SORCS1: variants seen among roughly 807,000 people sequenced by gnomAD.
The protein encoded by SORCS1 is VPS10 domain-containing receptor SorCS1.
Under a neutral mutation model 146.1 loss-of-function variants are expected in SORCS1, and 60 were observed. The observed-to-expected ratio is 0.41, with a 90% confidence interval of 0.33 to 0.51. The LOEUF (loss-of-function observed/expected upper bound fraction) is 0.51. SORCS1 is among the 20% of genes least tolerant of loss of function. The probability of loss-of-function intolerance (pLI) is 0.21; values close to 1 mark genes in which losing one functional copy is unlikely to be tolerated. For missense variants in SORCS1, 1,352 were observed against 1,487.6 expected, an observed-to-expected ratio of 0.91 and a Z score of 1.50; for synonymous variants, 637 against 584.0, an observed-to-expected ratio of 1.09 and a Z score of -1.31.
chr10:106,606,629 C>A (rs1163983523), intron 23 of SORCS1, among the ~76,000 whole-genome samples: 1 of 152,142 alleles, frequency 6.6e-6, no homozygotes. Flanking sequence ...GAGTATTCCA[C>A]ACTGTAAATA....
At chr10:106,954,992 G>T (rs1954865322) in intron 2 of SORCS1, among the ~76,000 whole-genome samples, 2 of 152,256 alleles carry the variant, frequency 1.3e-5, no homozygotes. Context: ...GTTGGCGCCA[G>T]GCAGCTGCCC....
intron 2 of SORCS1, among the ~76,000 whole-genome samples, chr10:106,878,048 C>A (rs1373287599): frequency 6.6e-6 from 1 of 152,178 alleles, no homozygotes; most frequent in Non-Finnish European, 1.5e-5. Context: ...TCTACTCCTA[C>A]TCCTAGTCTA....
chr10:107,125,072 C>T (rs1455994362), intron 1 of SORCS1, among the ~76,000 whole-genome samples: 8 of 151,522 alleles, frequency 5.3e-5, no homozygotes. Flanking sequence ...CCTGCCTCCG[C>T]CTCCCAAGCA....
At chr10:106,818,181 A>T (rs1437225211) in intron 3 of SORCS1, among the ~76,000 whole-genome samples, 1 of 152,194 alleles carries the variant, frequency 6.6e-6, no homozygotes, top group East Asian at 1.9e-4. Flanking sequence ...CTGACTGGCC[A>T]GTAGTACTTA....
chr10:106,852,561 G>T (rs1348718544), intron 2 of SORCS1, among the ~76,000 whole-genome samples: 1 of 149,140 alleles, frequency 6.7e-6, no homozygotes, highest in African/African-American at 2.5e-5. Flanking sequence ...CTGGGAGGTG[G>T]AGTTTGTAGT....
At chr10:107,127,401 C>G (rs1293231160) in intron 1 of SORCS1, among the ~76,000 whole-genome samples, 1 of 152,124 alleles carries the variant, frequency 6.6e-6, no homozygotes, top group Non-Finnish European at 1.5e-5. Context: ...ACTTTGATTT[C>G]CTTAGAATAC....
chr10:106,604,311 G>A (rs1589451087), intron 23 of SORCS1, among the ~76,000 whole-genome samples: 1 of 152,180 alleles, frequency 6.6e-6, no homozygotes, highest in Admixed American at 6.5e-5. Flanking sequence ...GATTAAGTCA[G>A]AGCAGAGAAT....
intron 1 of SORCS1, among the ~76,000 whole-genome samples, chr10:107,001,522 G>A (rs1957222426): frequency 6.6e-6 from 1 of 152,220 alleles, no homozygotes; most frequent in Non-Finnish European, 1.5e-5. Context: ...CATTGTAAGA[G>A]ATAGAAATAA....
At chr10:106,883,122 C>T (rs981293823) in intron 2 of SORCS1, among the ~76,000 whole-genome samples, 3 of 152,146 alleles carry the variant, frequency 2.0e-5, no homozygotes, top group Non-Finnish European at 4.4e-5. Context: ...TGTAGAAAGC[C>T]ACTGGCATTT....
intron 1 of SORCS1, among the ~76,000 whole-genome samples, chr10:106,968,001 G>A (rs980561757): frequency 1.3e-4 from 20 of 150,626 alleles, no homozygotes; most frequent in Admixed American, 7.3e-4. Context: ...TCAGGAAATC[G>A]AGACCATCCT....
chr10:107,142,548 A>G (rs1349932980), intron 1 of SORCS1, among the ~76,000 whole-genome samples: 2 of 152,258 alleles, frequency 1.3e-5, no homozygotes, highest in Non-Finnish European at 2.9e-5. Flanking sequence ...CATCACACTC[A>G]GAAGATTTAT....
intron 3 of SORCS1, among the ~76,000 whole-genome samples, chr10:106,808,284 C>T (rs1170218579): frequency 6.6e-6 from 1 of 152,162 alleles, no homozygotes; most frequent in Non-Finnish European, 1.5e-5. Context: ...TCCCAAAGTG[C>T]TGGAATTACA....
intron 1 of SORCS1, among the ~76,000 whole-genome samples, chr10:107,112,345 TATG>T (rs1965753811): frequency 6.6e-6 from 1 of 152,054 alleles, no homozygotes; most frequent in South Asian, 2.1e-4. Flanking sequence ...ATGTTTTACG[TATG>T]TTCCATGGTA....
At chr10:107,005,979 T>C (rs554163715) in intron 1 of SORCS1, among the ~76,000 whole-genome samples, 20 of 152,360 alleles carry the variant, frequency 1.3e-4, no homozygotes, top group African/African-American at 4.6e-4. Context: ...TGTTGAGGAC[T>C]GAGGTGTGTC....
chr10:107,161,487 A>G (rs2134931703), intron 1 of SORCS1, among the ~76,000 whole-genome samples: 1 of 152,284 alleles, frequency 6.6e-6, no homozygotes, highest in African/African-American at 2.4e-5. Context: ...AGTTCCAAAC[A>G]AGTGTATGAG....
chr10:106,792,456 C>T (rs1946361781), intron 3 of SORCS1, among the ~76,000 whole-genome samples: 1 of 152,214 alleles, frequency 6.6e-6, no homozygotes, highest in Admixed American at 6.5e-5. Flanking sequence ...TTACACAGCG[C>T]TTTACAAATG....
At chr10:107,063,827 C>G (rs1012350460) in intron 1 of SORCS1, among the ~76,000 whole-genome samples, 1 of 152,202 alleles carries the variant, frequency 6.6e-6, no homozygotes, top group Non-Finnish European at 1.5e-5. Context: ...CAACTTCTTC[C>G]TCATTCCCCC....
intron 3 of SORCS1, among the ~76,000 whole-genome samples, chr10:106,790,526 T>C (rs1204883263): frequency 1.3e-5 from 2 of 152,170 alleles, no homozygotes; most frequent in African/African-American, 4.8e-5. Context: ...AAGCTTCTCA[T>C]TGTCAGGATG....
chr10:106,835,967 T>C (rs1209164691), intron 2 of SORCS1, among the ~76,000 whole-genome samples: 1 of 150,962 alleles, frequency 6.6e-6, no homozygotes, highest in East Asian at 2.0e-4. Flanking sequence ...ATCGCGCCAT[T>C]GCACTCTAGC....
Sources: allele counts gnomAD v4.1 joint callset (sites outside exome capture counted in the v4.1 genomes callset), GRCh38; gene constraint gnomAD v4.1.1; transcripts MANE v1.5; gene names NCBI Gene and HGNC (gene_info 2026-07-23, HGNC 2026-07-21).